EPS8L2: variants seen among roughly 807,000 people sequenced by gnomAD.
EPS8L2 encodes the protein epidermal growth factor receptor kinase substrate 8-like protein 2.
EPS8L2 carries 81 observed loss-of-function variants against 99.4 expected under a neutral mutation model. That is an observed-to-expected ratio of 0.82 (90% CI 0.68 to 0.98). The LOEUF is 0.98. Among genes scored for constraint, EPS8L2 ranks in the 50% least tolerant of loss-of-function variants. EPS8L2 has a pLI of 0.00. For missense variants in EPS8L2, 1,155 were observed against 968.8 expected (o/e 1.19, Z -2.55); for synonymous variants, 509 against 407.3 (o/e 1.25, Z -3.01).
chr11:711,618 G>A (rs1485290270), intron 4 of EPS8L2, among the ~76,000 whole-genome samples: 1 of 152,118 alleles, frequency 6.6e-6, no homozygotes, highest in African/African-American at 2.4e-5. Context: ...GCCTGGTAGT[G>A]TGAGCTCGTA....
At chr11:725,907 C>A in intron 17 of EPS8L2, 60 bp downstream of exon 17, 1 of 1,365,490 alleles carries the variant, frequency 7.3e-7, no homozygotes, top group Non-Finnish European at 9.4e-7. Context: ...GCCCCGCCTG[C>A]GCCTAGCCCC....
chr11:720,511 C>A, intron 5 of EPS8L2, 86 bp from the exon 6 acceptor site: 4 of 1,542,192 alleles, frequency 2.6e-6, no homozygotes, highest in Non-Finnish European at 2.6e-6. Context: ...GGGGCCTGTG[C>A]TCCAGGCTTG....
chr11:722,260 C>A (rs1284762875), intron 12 of EPS8L2, 95 bp downstream of exon 12: 1 of 1,534,582 alleles, frequency 6.5e-7, no homozygotes, highest in Non-Finnish European at 8.9e-7. Flanking sequence ...CAGGTGCCCG[C>A]CTTGGGCAGC....
intron 12 of EPS8L2, 89 bp downstream of exon 12, chr11:722,254 TGCCC>T: frequency 6.5e-7 from 1 of 1,545,134 alleles, no homozygotes; most frequent in Non-Finnish European, 8.8e-7. Context: ...GGGCAGCAGG[TGCCC>T]GCCTTGGGCA....
Position 721,868 on chromosome 11 carries a change from G to A in EPS8L2, c.896-35G>A, listed in dbSNP as rs372582770. ...AAGGCGCAGGGGCCGGGGAGATCAGGGCCAGCCTGGCTCACGCGGTGCCTC... is the reference window on the plus strand; with the variant it reads ...AAGGCGCAGGGGCCGGGGAGATCAGAGCCAGCCTGGCTCACGCGGTGCCTC... On this transcript the variant is annotated intron_variant, in intron 10 of 20. Transcript: ENST00000318562. 9.0e-6 allele frequency: 14 copies of A among 1,563,180 alleles called. No individual in the cohort carries two copies. The African/African-American group carries it at 1.9e-4, about 21-fold the overall frequency.
chr11:717,373 T>C (rs1862049375), intron 4 of EPS8L2, among the ~76,000 whole-genome samples: 1 of 152,200 alleles, frequency 6.6e-6, no homozygotes, highest in African/African-American at 2.4e-5. Flanking sequence ...AGTTCTGCAT[T>C]GAGCAGCCTG....
intron 1 of EPS8L2, chr11:708,643 G>A (rs1861795916): frequency 6.6e-6 from 1 of 152,342 alleles, no homozygotes; most frequent in African/African-American, 2.4e-5. Context: ...CTGCCCTCGA[G>A]GTGAGGAAAC....
At chr11:707,679 AC>A (rs980797455) in intron 1 of EPS8L2, among the ~76,000 whole-genome samples, 1 of 151,580 alleles carries the variant, frequency 6.6e-6, no homozygotes, top group Non-Finnish European at 1.5e-5. Flanking sequence ...CCACACCTGG[AC>A]CCACCCCACT....
Position 722,319 on chromosome 11 carries a change from C to T in EPS8L2, c.1060-82C>T, listed in dbSNP as rs777203148. The T allele has an allele frequency of 4.8e-4, 755 of 1,567,264 alleles. 1 individual carries two copies. The highest frequency in any genetic ancestry group is 6.1e-4 in the Middle Eastern group (3 of 4,926). ...CTCCCTGGGGTCCAAAGTCCCTTCCCGAGGGCCAGCCTGTGGAGCTACGGG... is the reference window on the plus strand; with the variant it reads ...CTCCCTGGGGTCCAAAGTCCCTTCCTGAGGGCCAGCCTGTGGAGCTACGGG... On this transcript the variant is annotated intron_variant, in intron 12 of 20. Coordinates refer to ENST00000318562, the MANE Select transcript of EPS8L2 (RefSeq NM_022772.4).
intron 1 of EPS8L2, chr11:706,755 G>A (rs1343439972): frequency 6.6e-6 from 1 of 152,586 alleles, no homozygotes; most frequent in Non-Finnish European, 1.5e-5. Context: ...GCACTTCCTG[G>A]GTGTCGGAGC....
rs755470393 is a variant in EPS8L2 at position 722,684 on chromosome 11, C to T, written c.1220C>T (p.Pro407Leu). The T allele has an allele frequency of 7.5e-6, 12 of 1,607,272 alleles. No homozygotes were observed. The highest frequency in any genetic ancestry group is 2.2e-5 in the South Asian group (2 of 90,236). ...ESWMRPRSEW[P>L]REPQVPLYVP... ...ACCTCTCACCCCAGTTCCGAGTGGC[C>T]GCGGGAGCCACAGGTGCCCCTCTAC... The change falls in exon 14 of 21, where the codon CCG (proline) becomes CTG (leucine). Residue 407 changes from proline to leucine, a missense_variant. Physicochemically the swap from Pro to Leu is moderately conservative, Grantham distance 98 (BLOSUM62 -3). Coordinates refer to ENST00000318562, the MANE Select transcript of EPS8L2 (RefSeq NM_022772.4).
chr11:709,389 G>T lies in EPS8L2; in HGVS notation c.-19G>T. 1 of 1,570,460 alleles carries T rather than the reference G, an allele frequency of 6.4e-7. No individual in the cohort carries two copies. On this transcript the variant is annotated 5_prime_UTR_variant, in exon 2 of 21. Transcript: ENST00000318562. ...CACTGAGGTCTGCCCTTCTCCCGCT[G>T]GCCGCCACCCAAGACACCATGAGCC...
chr11:719,996 C>T, intron 4 of EPS8L2, 66 bp from the exon 5 acceptor site: 3 of 1,514,170 alleles, frequency 2.0e-6, no homozygotes, highest in East Asian at 4.9e-5. Flanking sequence ...AGGCTGTGGC[C>T]CCTGGGGGCT....
intron 5 of EPS8L2, 154 bp from the exon 6 acceptor site, chr11:720,443 G>A: frequency 7.9e-7 from 1 of 1,269,282 alleles, no homozygotes; most frequent in Non-Finnish European, 1.1e-6. Flanking sequence ...GTACAGCTGC[G>A]GGGTGTGTCC....
intron 14 of EPS8L2, 61 bp from the exon 15 acceptor site, chr11:723,180 C>T: frequency 1.2e-6 from 1 of 818,992 alleles, no homozygotes; most frequent in Non-Finnish European, 2.0e-6. Flanking sequence ...GTCATATGCC[C>T]CCTCGTCCTG....
At position 722,510 on chromosome 11, in the gene EPS8L2, C is replaced by T. The variant is rs767069074; in HGVS notation, c.1169C>T (p.Ser390Leu). Residue 390 changes from serine to leucine, a missense_variant, in exon 13 of 21, where the codon TCG becomes TTG. Coordinates refer to ENST00000318562, the MANE Select transcript of EPS8L2 (RefSeq NM_022772.4). ...LRGHLVPKEM[S>L]LWESLGESWM... ...GGCCACCTGGTCCCTAAGGAGATGTCGCTGTGGGAGTCACTGGGAGAGAGC... is the reference window on the plus strand; with the variant it reads ...GGCCACCTGGTCCCTAAGGAGATGTTGCTGTGGGAGTCACTGGGAGAGAGC... 18 of 1,613,162 alleles carry T rather than the reference C, an allele frequency of 1.1e-5. No homozygotes were observed. Among genetic ancestry groups the T allele is most frequent in the Admixed American group, 3.3e-5 (2 of 59,988 alleles).
rs866635808 is a variant in EPS8L2 at position 721,064 on chromosome 11, G to A, written c.558G>A (p.Lys186=). The stretch of plus-strand genomic sequence containing the variant: ...TGAGCAGGACCCCCTCGCCCTCCAG[G>A]GGACACCAGGAGAAGATTCGGCAGC... ...LGKKMRPQTL[K]GHQEKIRQRQ... Residue 186 remains lysine, a splice_region_variant and synonymous_variant, in exon 8 of 21, where the codon AAG becomes AAA. Transcript: ENST00000318562. 12 of 1,486,834 alleles carry A rather than the reference G, an allele frequency of 8.1e-6. No homozygotes were observed. The highest frequency in any genetic ancestry group is 1.4e-5 in the African/African-American group (1 of 71,452). The allele number at this position is 1,486,834 out of a possible 1,614,324, so 92.1% of individuals were successfully genotyped here.
chr11:720,611 C>G lies in EPS8L2; in HGVS notation c.342C>G (p.Asp114Glu). The G allele has an allele frequency of 6.2e-7, 1 of 1,600,168 alleles. No individual in the cohort carries two copies. The highest frequency in any genetic ancestry group is 1.1e-5 in the South Asian group (1 of 88,610). Residue 114 changes from aspartate to glutamate, a missense_variant, in exon 6 of 21, where the codon GAC (aspartate) becomes GAG (glutamate). By Grantham distance (45) the Asp-to-Glu change is conservative. Coordinates refer to ENST00000318562, the MANE Select transcript of EPS8L2 (RefSeq NM_022772.4). ...LDIESQEELE[D>E]FPLPTVQRSQ... ...TGTACCCGCAGGAGGAGCTGGAAGA[C>G]TTCCCGCTGCCCACGGTGCAGCGCA...
At position 726,406 on chromosome 11, in the gene EPS8L2, C is replaced by A. The variant is rs370759791; in HGVS notation, c.1856C>A (p.Pro619His). Residue 619 changes from proline to histidine, a missense_variant, in exon 19 of 21, where the codon CCC becomes CAC. By Grantham distance (77) the Pro-to-His change is moderately conservative (BLOSUM62 -2). Transcript: ENST00000318562. ...CACTTCCGCGTGGAGCGCAGCCAGC[C>A]CGTGAGCCAGCCGCTCACCTACGAG... ...QRHFRVERSQ[P>H]VSQPLTYESG... The A allele has an allele frequency of 1.9e-6, 3 of 1,606,716 alleles. No individual in the cohort carries two copies. The highest frequency in any genetic ancestry group is 1.3e-5 in the African/African-American group (1 of 74,820).
Sources: allele counts gnomAD v4.1 joint callset (sites outside exome capture counted in the v4.1 genomes callset), GRCh38; gene constraint gnomAD v4.1.1; transcripts MANE v1.5; gene names NCBI Gene and HGNC (gene_info 2026-07-23, HGNC 2026-07-21).